Variants in MEIS2 observed in about 807,000 individuals in gnomAD.
MEIS2 encodes the protein homeobox protein Meis2.
A neutral mutation model predicts 58.6 loss-of-function variants in MEIS2; 9 were observed. That is an observed-to-expected ratio of 0.15 (90% CI 0.09 to 0.27). The LOEUF (loss-of-function observed/expected upper bound fraction) is 0.27. Among genes scored for constraint, MEIS2 ranks in the 10% least tolerant of loss-of-function variants. The pLI, the probability that MEIS2 is intolerant of heterozygous loss-of-function variation, is 1.00. For synonymous variants in MEIS2, 221 were observed against 228.4 expected (o/e 0.97, Z 0.29); for missense variants, 427 against 635.0 (o/e 0.67, Z 3.52).
chr15:36,995,706 TAAAAA>T (rs71821151), intron 8 of MEIS2, among the ~76,000 whole-genome samples: 3 of 4,122 alleles, frequency 7.3e-4, no homozygotes, highest in African/African-American at 2.2e-3. Flanking sequence ...TTACAGCTAC[TAAAAA>T]AAAAAAAAAA....
intron 9 of MEIS2, among the ~76,000 whole-genome samples, chr15:36,915,350 G>T (rs113267116): frequency 1.3e-5 from 2 of 152,176 alleles, no homozygotes; most frequent in Non-Finnish European, 2.9e-5. Flanking sequence ...CAGCTGGGCT[G>T]TGTGCTAGGA....
At chr15:36,966,039 T>G (rs1221014623) in intron 8 of MEIS2, among the ~76,000 whole-genome samples, 1 of 152,214 alleles carries the variant, frequency 6.6e-6, no homozygotes, top group Admixed American at 6.5e-5. Context: ...ATGCAGAAAC[T>G]GCAATCAAGC....
chr15:37,094,728 A>G (rs1283441413), intron 4 of MEIS2, 151 bp from the exon 5 acceptor site: 3 of 621,984 alleles, frequency 4.8e-6, no homozygotes, highest in East Asian at 2.8e-5. Context: ...ATCAAGAAAT[A>G]GTCAGAAAAA....
chr15:36,962,938 TC>T lies in MEIS2; in HGVS notation c.901-12539del, dbSNP rs536801384. Among the ~76,000 whole-genome samples, 46 of 152,364 alleles carry T rather than the reference TC, an allele frequency of 3.0e-4. 1 individual carries two copies. In the South Asian group the frequency reaches 8.5e-3, roughly 28 times the overall value. ...CCATGAAAATATTGATTATGCTTTATCTAAATGAAGACATTTACTGACAGGA... is the reference window on the plus strand; with the variant it reads ...CCATGAAAATATTGATTATGCTTTATTAAATGAAGACATTTACTGACAGGA... On this transcript the variant is annotated intron_variant, in intron 8 of 11. Transcript: ENST00000561208.
Position 37,093,559 on chromosome 15 carries a change from T to A in MEIS2, c.639+22A>T, listed in dbSNP as rs764835118. ...GCTTTGCCCAGTGGCCTTAAAAGATTGCTAAAGGCTAGCAGACTTACATGG... is the reference window on the plus strand; with the variant it reads ...GCTTTGCCCAGTGGCCTTAAAAGATAGCTAAAGGCTAGCAGACTTACATGG... On this transcript the variant is annotated intron_variant, in intron 6 of 11. Coordinates refer to ENST00000561208, the MANE Select transcript of MEIS2 (RefSeq NM_170675.5). The A allele has an allele frequency of 1.9e-6, 3 of 1,613,178 alleles. No homozygotes were observed. The East Asian group carries it at 6.7e-5, about 36-fold the overall frequency.
intron 8 of MEIS2, among the ~76,000 whole-genome samples, chr15:36,974,138 T>C (rs970643835): frequency 1.3e-5 from 2 of 152,174 alleles, no homozygotes; most frequent in African/African-American, 4.8e-5. Context: ...GGTTATCCTG[T>C]ATTGTGAAAT....
At chr15:36,901,900 C>A (rs80058007) in intron 9 of MEIS2, among the ~76,000 whole-genome samples, 2,484 of 151,472 alleles carry the variant, frequency 0.016, 80 homozygotes, top group African/African-American at 0.058. Context: ...AAATACTCTA[C>A]TTTGAGCATG....
Position 36,915,785 on chromosome 15 carries a change from G to A in MEIS2, c.978-19099C>T, listed in dbSNP as rs140444753. On this transcript the variant is annotated intron_variant, in intron 9 of 11. Transcript: ENST00000561208. ...CTCTTGACTAAATAGGGCTCATTGA[G>A]TCAAGTGGAAGTATGTGCTGTACTT... Among the ~76,000 whole-genome samples the A allele has an allele frequency of 1.8e-4, 28 of 152,334 alleles. No homozygotes were observed. The East Asian group carries it at 5.2e-3, about 28-fold the overall frequency.
intron 1 of MEIS2, chr15:37,098,841 G>T: frequency 1.1e-6 from 1 of 874,624 alleles, no homozygotes; most frequent in Non-Finnish European, 1.4e-6. Context: ...AAAGACTAGG[G>T]CCAGTGCCTC....
At chr15:37,085,247 T>A (rs1158437358) in intron 6 of MEIS2, among the ~76,000 whole-genome samples, 2 of 152,098 alleles carry the variant, frequency 1.3e-5, no homozygotes, top group African/African-American at 4.8e-5. Flanking sequence ...TAAATAAGAA[T>A]TCAGACAGAG....
intron 7 of MEIS2, among the ~76,000 whole-genome samples, chr15:37,082,010 C>T (rs140961901): frequency 5.4e-4 from 82 of 152,330 alleles, no homozygotes; most frequent in African/African-American, 1.9e-3. Flanking sequence ...CTCCCACCTC[C>T]TCTTCTCTCT....
intron 7 of MEIS2, among the ~76,000 whole-genome samples, chr15:37,066,037 C>T (rs891187399): frequency 2.0e-5 from 3 of 152,144 alleles, no homozygotes; most frequent in Non-Finnish European, 2.9e-5. Flanking sequence ...GTATTCTTTG[C>T]CATTTCTAAG....
At chr15:36,950,557 C>T (rs141516227) in intron 8 of MEIS2, among the ~76,000 whole-genome samples, 157 bp from the exon 9 acceptor site, 2 of 152,096 alleles carry the variant, frequency 1.3e-5, no homozygotes, top group East Asian at 1.9e-4. Context: ...TGGGCAGGGA[C>T]AAGAACCCAG....
chr15:37,073,447 A>G (rs1890976085), intron 7 of MEIS2, among the ~76,000 whole-genome samples: 1 of 152,008 alleles, frequency 6.6e-6, no homozygotes, highest in African/African-American at 2.4e-5. Context: ...CGTTGAAGAT[A>G]AGGACCCTTG....
chr15:36,934,833 T>C (rs1225256223), intron 9 of MEIS2, among the ~76,000 whole-genome samples: 1 of 152,204 alleles, frequency 6.6e-6, no homozygotes, highest in Non-Finnish European at 1.5e-5. Flanking sequence ...CATCTAAAAA[T>C]AAAATAACCA....
intron 1 of MEIS2, chr15:37,098,453 G>T: frequency 8.7e-7 from 1 of 1,143,682 alleles, no homozygotes; most frequent in Non-Finnish European, 1.1e-6. Context: ...AAGTCAGAAA[G>T]GAGAAAAGTA....
chr15:37,083,946 CA>C, intron 6 of MEIS2, 61 bp from the exon 7 acceptor site: 2 of 1,462,050 alleles, frequency 1.4e-6, no homozygotes, highest in East Asian at 2.3e-5. Context: ...AATGAAGAAC[CA>C]AAAGGAACGG....
intron 7 of MEIS2, among the ~76,000 whole-genome samples, chr15:37,074,700 T>A (rs1476501045): frequency 6.6e-6 from 1 of 152,024 alleles, no homozygotes; most frequent in Admixed American, 6.6e-5. Context: ...GGAATCTCTC[T>A]TAATATAAGT....
chr15:36,907,856 C>T (rs1349344), intron 9 of MEIS2, among the ~76,000 whole-genome samples: 121,904 of 151,870 alleles, frequency 0.8, 49,553 homozygotes, highest in East Asian at 0.94. Context: ...AATATGCATA[C>T]GTATATTCTT....
Sources: allele counts gnomAD v4.1 joint callset (sites outside exome capture counted in the v4.1 genomes callset), GRCh38; gene constraint gnomAD v4.1.1; transcripts MANE v1.5; gene names NCBI Gene and HGNC (gene_info 2026-07-23, HGNC 2026-07-21).